Variants in TUSC3 observed in about 807,000 individuals in gnomAD.
The protein encoded by TUSC3 is tumor suppressor candidate 3.
TUSC3 carries 45 observed loss-of-function variants against 44.8 expected under a neutral mutation model. That is an observed-to-expected ratio of 1.00 (90% CI 0.79 to 1.29). TUSC3 has a LOEUF of 1.29. Among genes scored for constraint, TUSC3 ranks in the 50% most tolerant of loss-of-function variants. The pLI, the probability that TUSC3 is intolerant of heterozygous loss-of-function variation, is 0.00. For missense variants in TUSC3, 519 were observed against 437.9 expected (o/e 1.19, Z -1.65); for synonymous variants, 212 against 152.9 (o/e 1.39, Z -2.85).
In TUSC3 at chr8:15,584,865, A is replaced by T. The variant is rs138210533; in HGVS notation, c.139-38215A>T. Reference sequence around the variant, plus strand: ...GGATTTATGAAGTGAGTCTGGAAAGATATAATTGGAGGTAAAGCTTTGAGA... The same window carrying T: ...GGATTTATGAAGTGAGTCTGGAAAGTTATAATTGGAGGTAAAGCTTTGAGA... On this transcript the variant is annotated intron_variant, in intron 1 of 10. Coordinates refer to ENST00000503731, the MANE Select transcript of TUSC3 (RefSeq NM_006765.4). Among the ~76,000 whole-genome samples, 765 of 152,278 alleles carry T rather than the reference A, an allele frequency of 5.0e-3. 5 individuals carry two copies. Among genetic ancestry groups the T allele is most frequent in the Non-Finnish European group, 8.1e-3 (550 of 68,002 alleles).
chr8:15,589,199 G>T (rs1803721389), intron 1 of TUSC3, among the ~76,000 whole-genome samples: 1 of 152,036 alleles, frequency 6.6e-6, no homozygotes, highest in Non-Finnish European at 1.5e-5. Flanking sequence ...GCCTATATGT[G>T]TCTTTACAGG....
chr8:15,456,145 T>C (rs185799001), intron 1 of TUSC3, among the ~76,000 whole-genome samples: 1 of 152,272 alleles, frequency 6.6e-6, no homozygotes, highest in Admixed American at 6.5e-5. Context: ...ACTCCTTTCC[T>C]CACACTAGCT....
At chr8:15,741,017 A>G (rs1475957009) in intron 7 of TUSC3, among the ~76,000 whole-genome samples, 2 of 152,194 alleles carry the variant, frequency 1.3e-5, no homozygotes, top group African/African-American at 2.4e-5. Context: ...GTAACAATAC[A>G]GAGGGAGAGT....
At chr8:15,566,926 A>G (rs1347841946) in intron 1 of TUSC3, among the ~76,000 whole-genome samples, 4 of 152,110 alleles carry the variant, frequency 2.6e-5, no homozygotes, top group Admixed American at 6.6e-5. Context: ...CCCGGCCAAC[A>G]CATATTCTTA....
intron 1 of TUSC3, among the ~76,000 whole-genome samples, chr8:15,483,146 A>G (rs1467374957): frequency 2.0e-5 from 3 of 152,220 alleles, no homozygotes; most frequent in Non-Finnish European, 4.4e-5. Context: ...TTAACAGCAT[A>G]TAAGCTCTTT....
chr8:15,422,435 G>T (rs184496473), intron 1 of TUSC3, among the ~76,000 whole-genome samples: 11 of 152,258 alleles, frequency 7.2e-5, no homozygotes, highest in African/African-American at 2.4e-4. Flanking sequence ...CAGAGTAGGT[G>T]GCAGGGTAAT....
the TUSC3 span, chr8:15,807,075 T>A: frequency 1.4e-6 from 2 of 1,390,752 alleles, no homozygotes; most frequent in Non-Finnish European, 1.0e-6. Flanking sequence ...CTCACAGCAG[T>A]ATTTGGCAAC....
At chr8:15,464,932 C>G (rs1800394523) in intron 1 of TUSC3, among the ~76,000 whole-genome samples, 3 of 152,126 alleles carry the variant, frequency 2.0e-5, no homozygotes, top group African/African-American at 7.2e-5. Context: ...TCACTGCAAC[C>G]TCTTCCTCCC....
rs997803555 is a variant in TUSC3 at position 15,623,345 on chromosome 8, A to G, written c.308+96A>G. On this transcript the variant is annotated intron_variant, in intron 2 of 10. Coordinates refer to ENST00000503731, the MANE Select transcript of TUSC3 (RefSeq NM_006765.4). ...TAAGATAAATATATGTAAGATAAAC[A>G]GTTGTTTAATAGTCAAATATAACTG... 9 of 1,262,456 alleles carry G rather than the reference A, an allele frequency of 7.1e-6. No homozygotes were observed. In the Admixed American group the frequency reaches 1.5e-4, roughly 22 times the overall value. 78.2% of individuals were successfully genotyped at this position (1,262,456 alleles called of 1,614,324 possible).
intron 1 of TUSC3, among the ~76,000 whole-genome samples, chr8:15,458,980 A>G (rs1345990018): frequency 6.6e-6 from 1 of 152,228 alleles, no homozygotes; most frequent in African/African-American, 2.4e-5. Context: ...TTTTCACCAA[A>G]TAGACCAGGT....
chr8:15,443,202 G>T (rs758463568), intron 1 of TUSC3, among the ~76,000 whole-genome samples: 1 of 150,794 alleles, frequency 6.6e-6, no homozygotes, highest in Admixed American at 6.6e-5. Context: ...ATCTCACACT[G>T]TCACCCAGGC....
chr8:15,784,369 C>G, the TUSC3 span, among the ~76,000 whole-genome samples: 2 of 152,002 alleles, frequency 1.3e-5, no homozygotes, highest in Non-Finnish European at 2.9e-5. Flanking sequence ...ACAGGATGTC[C>G]AACAAATTTG....
intron 1 of TUSC3, among the ~76,000 whole-genome samples, chr8:15,587,989 T>A (rs1008677357): frequency 6.6e-6 from 1 of 152,156 alleles, no homozygotes; most frequent in African/African-American, 2.4e-5. Context: ...GATTGGTATC[T>A]TGGCAATTGT....
chr8:15,789,238 T>C, the TUSC3 span, among the ~76,000 whole-genome samples: 2 of 151,976 alleles, frequency 1.3e-5, no homozygotes, highest in African/African-American at 2.4e-5. Context: ...ACAAAGTGAG[T>C]GTATCTCAGC....
intron 1 of TUSC3, among the ~76,000 whole-genome samples, chr8:15,583,349 C>G (rs1354889021): frequency 1.3e-5 from 2 of 152,120 alleles, no homozygotes; most frequent in Non-Finnish European, 2.9e-5. Context: ...ATAAAACTCA[C>G]TTTAGATTTG....
At chr8:15,689,821 G>GGTGT (rs71543657) in intron 6 of TUSC3, among the ~76,000 whole-genome samples, 8,207 of 130,834 alleles carry the variant, frequency 0.063, 202 homozygotes, top group Non-Finnish European at 0.074. Context: ...AATAGTCCAT[G>GGTGT]GTGTGTGTGT....
chr8:15,494,718 C>G (rs1433254409), intron 2 of TUSC3, among the ~76,000 whole-genome samples: 1 of 152,166 alleles, frequency 6.6e-6, no homozygotes, highest in East Asian at 1.9e-4. Context: ...TGGCATCACA[C>G]AGAATATCCA....
At chr8:15,826,083 T>C in the TUSC3 span, among the ~76,000 whole-genome samples, 1 of 152,150 alleles carries the variant, frequency 6.6e-6, no homozygotes, top group African/African-American at 2.4e-5. Context: ...AGGTATGTTG[T>C]GTCTGAACTG....
chr8:15,476,397 G>T (rs934659565), intron 1 of TUSC3, among the ~76,000 whole-genome samples: 1 of 152,000 alleles, frequency 6.6e-6, no homozygotes, highest in Non-Finnish European at 1.5e-5. Context: ...CATACTTTTG[G>T]TCTTTTTATT....
Sources: allele counts gnomAD v4.1 joint callset (sites outside exome capture counted in the v4.1 genomes callset), GRCh38; gene constraint gnomAD v4.1.1; transcripts MANE v1.5; gene names NCBI Gene and HGNC (gene_info 2026-07-23, HGNC 2026-07-21).